Variants in TENM4 observed in about 807,000 individuals in gnomAD.
The protein encoded by TENM4 is teneurin-4.
TENM4 carries 82 observed loss-of-function variants against 243.3 expected under a neutral mutation model. The ratio of observed to expected loss-of-function variants is 0.34; its 90% confidence interval spans 0.28 to 0.40. The LOEUF is 0.40. Ranked by LOEUF, TENM4 falls within the 10% of genes least tolerant of loss-of-function variation. The pLI, the probability that TENM4 is intolerant of heterozygous loss-of-function variation, is 1.00. For missense variants in TENM4, 3,138 were observed against 3,673.3 expected, an observed-to-expected ratio of 0.85 and a Z score of 3.77; for synonymous variants, 1,412 against 1,456.3, an observed-to-expected ratio of 0.97 and a Z score of 0.69.
At chr11:78,806,293 G>A (rs1472516951) in intron 14 of TENM4, among the ~76,000 whole-genome samples, 1 of 152,038 alleles carries the variant, frequency 6.6e-6, no homozygotes, top group African/African-American at 2.4e-5. Context: ...GCAAGACTCT[G>A]TCTCTAAAAA....
intron 3 of TENM4, among the ~76,000 whole-genome samples, chr11:79,162,198 G>A (rs1335432234): frequency 1.3e-5 from 2 of 152,204 alleles, no homozygotes; most frequent in African/African-American, 4.8e-5. Flanking sequence ...GAGGGCAGTG[G>A]TCAAGATCAT....
chr11:78,762,141 T>A (rs1328192154), intron 18 of TENM4, among the ~76,000 whole-genome samples: 1 of 152,256 alleles, frequency 6.6e-6, no homozygotes, highest in East Asian at 1.9e-4. Context: ...CTCAGTTCTC[T>A]GATCTGTAAA....
intron 16 of TENM4, among the ~76,000 whole-genome samples, chr11:78,785,162 G>A (rs573485335): frequency 6.6e-6 from 1 of 152,140 alleles, no homozygotes; most frequent in African/African-American, 2.4e-5. Context: ...AAGGTGAGGG[G>A]AAAGCAGAGT....
chr11:79,428,930 C>A (rs949196707), intron 1 of TENM4, among the ~76,000 whole-genome samples: 9 of 152,182 alleles, frequency 5.9e-5, no homozygotes, highest in Non-Finnish European at 1.0e-4. Flanking sequence ...ATCACCTGGG[C>A]AGCTTTACAG....
At chr11:78,713,602 C>T (rs1859450711) in intron 25 of TENM4, among the ~76,000 whole-genome samples, 1 of 152,188 alleles carries the variant, frequency 6.6e-6, no homozygotes, top group Admixed American at 6.5e-5. Flanking sequence ...ACCCGACCTC[C>T]TGAGCCTCGA....
chr11:79,133,717 T>C (rs1372553712), intron 4 of TENM4, among the ~76,000 whole-genome samples: 3 of 152,164 alleles, frequency 2.0e-5, no homozygotes, highest in Non-Finnish European at 4.4e-5. Flanking sequence ...TCAATAAATG[T>C]GCTACACCAC....
intron 4 of TENM4, among the ~76,000 whole-genome samples, chr11:79,089,844 G>C (rs1860903863): frequency 6.6e-6 from 1 of 152,170 alleles, no homozygotes; most frequent in African/African-American, 2.4e-5. Context: ...TTTGTGTGCT[G>C]TTGTGTTGCC....
intron 6 of TENM4, among the ~76,000 whole-genome samples, chr11:78,904,708 A>G (rs1856024428): frequency 6.6e-6 from 1 of 152,186 alleles, no homozygotes; most frequent in Admixed American, 6.5e-5. Flanking sequence ...TATTCCCTTT[A>G]ATTATTCAGA....
At chr11:78,755,957 A>G (rs912747893) in intron 19 of TENM4, among the ~76,000 whole-genome samples, 5 of 152,182 alleles carry the variant, frequency 3.3e-5, no homozygotes, top group African/African-American at 1.2e-4. Context: ...AGACATTCAA[A>G]AGAAATGATT....
At chr11:79,142,857 A>T (rs532682626) in intron 4 of TENM4, among the ~76,000 whole-genome samples, 30 of 152,202 alleles carry the variant, frequency 2.0e-4, no homozygotes, top group African/African-American at 7.0e-4. Flanking sequence ...ATTTACAACA[A>T]AGGTACCAAG....
At chr11:79,118,782 C>T (rs889436154) in intron 4 of TENM4, among the ~76,000 whole-genome samples, 1 of 152,162 alleles carries the variant, frequency 6.6e-6, no homozygotes, top group Admixed American at 6.5e-5. Flanking sequence ...ATATATGCTA[C>T]ATCTTATTGA....
intron 3 of TENM4, among the ~76,000 whole-genome samples, chr11:79,199,544 A>G (rs1010270984): frequency 1.3e-5 from 2 of 152,172 alleles, no homozygotes; most frequent in Non-Finnish European, 2.9e-5. Flanking sequence ...AGTAGAGGAT[A>G]TGGGACTTTT....
intron 32 of TENM4, among the ~76,000 whole-genome samples, chr11:78,662,080 TCCC>T (rs2135636558): frequency 6.6e-6 from 1 of 152,284 alleles, no homozygotes; most frequent in Admixed American, 6.5e-5. Flanking sequence ...AGGGTCAAAG[TCCC>T]ACGGGTTACA....
At chr11:78,906,144 T>C (rs621011) in intron 6 of TENM4, among the ~76,000 whole-genome samples, 37,026 of 152,208 alleles carry the variant, frequency 0.24, 4,724 homozygotes, top group Middle Eastern at 0.31. Flanking sequence ...TTAATTGATA[T>C]AGTTTCTGCT....
At chr11:79,123,539 T>C (rs542823627) in intron 4 of TENM4, among the ~76,000 whole-genome samples, 1 of 151,666 alleles carries the variant, frequency 6.6e-6, no homozygotes, top group East Asian at 1.9e-4. Context: ...ATGCATCCTC[T>C]CTGTCTCCAG....
chr11:79,377,794 A>G (rs529634637), intron 1 of TENM4, among the ~76,000 whole-genome samples: 2 of 152,302 alleles, frequency 1.3e-5, no homozygotes, highest in African/African-American at 4.8e-5. Context: ...TGTACTCCCT[A>G]GAAAGTGGAG....
At chr11:78,710,005 A>T (rs1026458087) in intron 26 of TENM4, among the ~76,000 whole-genome samples, 3 of 152,222 alleles carry the variant, frequency 2.0e-5, no homozygotes, top group African/African-American at 7.2e-5. Context: ...AATCAGTACC[A>T]TGTGAGCAGC....
intron 17 of TENM4, among the ~76,000 whole-genome samples, chr11:78,771,451 A>G (rs1025379569): frequency 1.3e-5 from 2 of 152,182 alleles, no homozygotes; most frequent in African/African-American, 4.8e-5. Context: ...GAGTCAGTGG[A>G]TGTTGGCCTA....
intron 6 of TENM4, among the ~76,000 whole-genome samples, chr11:79,044,936 T>A (rs1859622906): frequency 6.6e-6 from 1 of 152,162 alleles, no homozygotes; most frequent in Non-Finnish European, 1.5e-5. Context: ...ATGTTTATTA[T>A]AGAAAAGTAT....
Sources: gnomAD v4.1 joint callset for allele counts (sites outside exome capture counted in the v4.1 genomes callset) on GRCh38, gnomAD v4.1.1 for gene constraint, MANE v1.5 for transcripts, NCBI Gene and HGNC (gene_info 2026-07-23, HGNC 2026-07-21) for gene names.